Variants in TBC1D1 observed in about 807,000 individuals in gnomAD.
The protein encoded by TBC1D1 is TBC1 domain family member 1, also known as TBC1 (tre-2/USP6, BUB2, cdc16) domain family, member 1.
A neutral mutation model predicts 125.6 loss-of-function variants in TBC1D1; 89 were observed. The observed-to-expected ratio is 0.71, with a 90% CI of 0.60 to 0.85. The LOEUF (loss-of-function observed/expected upper bound fraction) is 0.85, where lower values mean the gene tolerates loss of function less well. TBC1D1 is among the 40% of genes least tolerant of loss of function. The pLI, the probability that TBC1D1 is intolerant of heterozygous loss-of-function variation, is 0.00. For synonymous variants in TBC1D1, 565 were observed against 564.1 expected (o/e 1.00, Z -0.02); for missense variants, 1,377 against 1,469.2 (o/e 0.94, Z 1.03).
chr4:38,030,020 C>G (rs1451301359), intron 7 of TBC1D1, among the ~76,000 whole-genome samples: 1 of 152,168 alleles, frequency 6.6e-6, no homozygotes, highest in Non-Finnish European at 1.5e-5. Flanking sequence ...CTAATGCTGG[C>G]CCACTTACTG....
At position 37,902,459 on chromosome 4, in the gene TBC1D1, G is replaced by T. The variant is rs1469034713; in HGVS notation, c.364G>T (p.Ala122Ser). ...CTTTGCTTGTCTGATTAAGGAAGACGCTGTCCACCGGCAGAGTATCTGCTA... is the reference window on the plus strand; with the variant it reads ...CTTTGCTTGTCTGATTAAGGAAGACTCTGTCCACCGGCAGAGTATCTGCTA... Residue 122 changes from alanine (A) to serine (S), a missense_variant, in exon 2 of 20, where the codon GCT becomes TCT. Ala to Ser is a moderately conservative substitution (Grantham distance 99). Transcript: ENST00000261439. 2 of 1,613,762 alleles carry T rather than the reference G, an allele frequency of 1.2e-6. No homozygotes were observed. The highest frequency in any genetic ancestry group is 1.1e-5 in the South Asian group (1 of 91,034).
At chr4:38,078,432 C>T (rs970424556) in intron 12 of TBC1D1, among the ~76,000 whole-genome samples, 7 of 152,130 alleles carry the variant, frequency 4.6e-5, no homozygotes, top group Non-Finnish European at 1.0e-4. Flanking sequence ...CAGATTTGCT[C>T]CTGCTATGGA....
intron 15 of TBC1D1, among the ~76,000 whole-genome samples, chr4:38,114,741 G>A (rs1430119665): frequency 7.3e-5 from 11 of 151,402 alleles, no homozygotes. Flanking sequence ...TTGAATAACA[G>A]TTTTTTGTGA....
intron 17 of TBC1D1, among the ~76,000 whole-genome samples, chr4:38,122,131 T>G (rs1281786270): frequency 2.0e-5 from 3 of 152,212 alleles, no homozygotes; most frequent in Non-Finnish European, 4.4e-5. Context: ...GGAGCATCTC[T>G]GGCAGCAGGC....
intron 2 of TBC1D1, among the ~76,000 whole-genome samples, chr4:37,906,303 G>A (rs181383404): frequency 4.6e-5 from 7 of 152,040 alleles, no homozygotes; most frequent in South Asian, 2.1e-4. Flanking sequence ...ACACATGATC[G>A]TGCCTGGCTA....
intron 15 of TBC1D1, among the ~76,000 whole-genome samples, chr4:38,112,413 CTT>C (rs1560814862): frequency 6.6e-6 from 1 of 152,158 alleles, no homozygotes; most frequent in African/African-American, 2.4e-5. Context: ...CTTTTGTCCT[CTT>C]GTTTGGAAAC....
chr4:38,054,363 C>T, intron 12 of TBC1D1, 25 bp downstream of exon 14: 2 of 1,613,326 alleles, frequency 1.2e-6, no homozygotes, highest in African/African-American at 1.3e-5. Flanking sequence ...TGAAATGAAA[C>T]CTCAAAGAGA....
chr4:38,105,607 C>G (rs574734832), intron 15 of TBC1D1, among the ~76,000 whole-genome samples: 38 of 152,246 alleles, frequency 2.5e-4, no homozygotes, highest in South Asian at 6.2e-4. Context: ...CTCCACCCCC[C>G]AGGAGTCCCT....
chr4:38,109,024 C>T (rs1172437719), intron 15 of TBC1D1, among the ~76,000 whole-genome samples: 1 of 152,192 alleles, frequency 6.6e-6, no homozygotes, highest in Admixed American at 6.5e-5. Flanking sequence ...TGGAGCTGCT[C>T]ATCACTAGCA....
rs116151374 is a variant in TBC1D1, at chr4:38,002,556, G to A, written c.418-11953G>A. On this transcript the variant is annotated intron_variant, in intron 2 of 19. Transcript: ENST00000261439. ...TTAAAAACTTTGAAGTCATTAGATC[G>A]TTTTGCATTGCAATCATTTATACAT... 4.5e-3 allele frequency among the ~76,000 whole-genome samples: 689 copies of A among 152,262 alleles called. 3 individuals carry two copies. The highest frequency in any genetic ancestry group is 8.7e-3 in the Admixed American group (133 of 15,302).
chr4:38,112,782 A>C (rs1054902173), intron 15 of TBC1D1, among the ~76,000 whole-genome samples: 2 of 152,178 alleles, frequency 1.3e-5, no homozygotes, highest in African/African-American at 4.8e-5. Context: ...GGGACTATGG[A>C]GCAGAACTGG....
At chr4:38,077,316 G>C (rs1381284419) in intron 12 of TBC1D1, among the ~76,000 whole-genome samples, 1 of 152,226 alleles carries the variant, frequency 6.6e-6, no homozygotes, top group East Asian at 1.9e-4. Flanking sequence ...CAAGAGAGAA[G>C]AAAGGATGGG....
intron 6 of TBC1D1, among the ~76,000 whole-genome samples, chr4:38,027,433 G>A (rs1389025065): frequency 1.3e-5 from 2 of 152,080 alleles, no homozygotes; most frequent in Non-Finnish European, 1.5e-5. Context: ...GACCAGCCTG[G>A]GCAACATGGC....
intron 11 of TBC1D1, 99 bp downstream of exon 11, chr4:38,049,997 G>C (rs905003249): frequency 1.5e-6 from 2 of 1,345,148 alleles, no homozygotes; most frequent in African/African-American, 2.9e-5. Flanking sequence ...AGAGAAATGA[G>C]TCAGGCTTTA....
At chr4:37,964,164 A>G (rs1313001310) in intron 2 of TBC1D1, among the ~76,000 whole-genome samples, 1 of 152,254 alleles carries the variant, frequency 6.6e-6, no homozygotes, top group Admixed American at 6.5e-5. Flanking sequence ...TGGTGACTGC[A>G]ATGGCTTAAG....
In TBC1D1 at chr4:38,090,113, C is replaced by G; in HGVS notation, c.2232C>G (p.Leu744=). 1 of 1,613,992 alleles carries G rather than the reference C, an allele frequency of 6.2e-7. No individual in the cohort carries two copies. Among genetic ancestry groups the G allele is most frequent in the Non-Finnish European group, 8.5e-7 (1 of 1,179,950 alleles). ...GAATGGAGAAGGAAAATCAGAAGCTCCAAGGTTGGTTTGCCATCTTGATAT... is the reference window on the plus strand; with the variant it reads ...GAATGGAGAAGGAAAATCAGAAGCTGCAAGGTTGGTTTGCCATCTTGATAT... The change falls in exon 13 of 20, where the codon CTC becomes CTG. Residue 744 remains leucine, a synonymous_variant. Transcript: ENST00000261439.
At chr4:37,903,749 A>T (rs1162095679) in intron 2 of TBC1D1, among the ~76,000 whole-genome samples, 1 of 152,030 alleles carries the variant, frequency 6.6e-6, no homozygotes, top group African/African-American at 2.4e-5. Context: ...ACTGTTGGAG[A>T]TGATATTAGC....
chr4:38,053,273 A>G, intron 11 of TBC1D1, 48 bp downstream of exon 13: 1 of 1,334,784 alleles, frequency 7.5e-7, no homozygotes, highest in Non-Finnish European at 9.7e-7. Context: ...CTAAGTGTTG[A>G]ATATCATTAG....
chr4:38,012,614 C>T (rs1741748580), intron 2 of TBC1D1, among the ~76,000 whole-genome samples: 1 of 152,042 alleles, frequency 6.6e-6, no homozygotes, highest in African/African-American at 2.4e-5. Flanking sequence ...TGTTGTGAAC[C>T]ATTGGCAAAG....
Sources: allele counts gnomAD v4.1 joint callset (sites outside exome capture counted in the v4.1 genomes callset), GRCh38; gene constraint gnomAD v4.1.1; transcripts MANE v1.5; gene names NCBI Gene and HGNC (gene_info 2026-07-23, HGNC 2026-07-21).